ITGA11: variants seen among roughly 807,000 people sequenced by gnomAD.
The protein encoded by ITGA11 is integrin subunit alpha 11.
In ITGA11, 97 loss-of-function variants were observed where a neutral mutation model predicts 141.9. The observed-to-expected ratio is 0.68, with a 90% CI of 0.58 to 0.81. The LOEUF (loss-of-function observed/expected upper bound fraction) is 0.81, where lower values mean the gene tolerates loss of function less well. ITGA11 is among the 30% of genes least tolerant of loss of function. ITGA11 has a pLI of 0.00. For synonymous variants in ITGA11, 658 were observed against 624.6 expected (o/e 1.05, Z -0.80); for missense variants, 1,387 against 1,559.2 (o/e 0.89, Z 1.86).
chr15:68,415,080 C>T, intron 1 of ITGA11, among the ~76,000 whole-genome samples: 1 of 152,214 alleles, frequency 6.6e-6, no homozygotes. Context: ...CATCTTACTT[C>T]TCTGCCAAAT....
intron 6 of ITGA11, among the ~76,000 whole-genome samples, 197 bp downstream of exon 6, chr15:68,358,244 GAAGTGAGGCTTCCCCCA>G (rs1377765025): frequency 6.6e-6 from 1 of 152,200 alleles, no homozygotes. Flanking sequence ...TCTGACCCGT[GAAGTGAGGCTTCCCCCA>G]AAATGTCATT....
In ITGA11 at chr15:68,304,638, C is replaced by T. The variant is rs1196715557; in HGVS notation, c.3382-753G>A. ...TGGATTCTCCGCTGAATTCCAGGCTCACACCGACTGTCTCCTGGCCTGCCT... is the reference window on the plus strand; with the variant it reads ...TGGATTCTCCGCTGAATTCCAGGCTTACACCGACTGTCTCCTGGCCTGCCT... On this transcript the variant is annotated intron_variant, in intron 28 of 29. Coordinates refer to ENST00000315757, the MANE Select transcript of ITGA11 (RefSeq NM_001004439.2). The surrounding 1 kb of genome is among the most constrained non-coding windows in gnomAD (Gnocchi z 6.1). 6.6e-6 allele frequency among the ~76,000 whole-genome samples: 1 copy of T among 152,150 alleles called. No individual in the cohort carries two copies. The highest frequency in any genetic ancestry group is 2.4e-5 in the African/African-American group (1 of 41,422).
intron 14 of ITGA11, 134 bp downstream of exon 14, chr15:68,331,725 A>G (rs1445305255): frequency 2.5e-6 from 2 of 786,422 alleles, no homozygotes; most frequent in African/African-American, 1.7e-5. Context: ...AAGCATGGCC[A>G]GGACAGATTG....
intron 1 of ITGA11, among the ~76,000 whole-genome samples, chr15:68,407,829 T>C (rs1896683931): frequency 6.6e-6 from 1 of 152,192 alleles, no homozygotes; most frequent in Non-Finnish European, 1.5e-5. Flanking sequence ...TCAAAGCCAC[T>C]CCACTCCCTA....
At chr15:68,311,811 G>A (rs929847321) in intron 24 of ITGA11, among the ~76,000 whole-genome samples, 4 of 152,160 alleles carry the variant, frequency 2.6e-5, no homozygotes, top group Non-Finnish European at 4.4e-5. Context: ...AATTAAACTC[G>A]CTATTTATTA....
At position 68,328,381 on chromosome 15, in the gene ITGA11, A is replaced by T; in HGVS notation, c.1902-119T>A. On this transcript the variant is annotated intron_variant, in intron 15 of 29. Coordinates refer to ENST00000315757, the MANE Select transcript of ITGA11 (RefSeq NM_001004439.2). The surrounding 1 kb of genome is among the most constrained non-coding windows in gnomAD (Gnocchi z 4.8). ...ATCTGCAAAGCCACTGGAGGGGGTGAGGTGGAGGATGGAGGGGGCGAGGTG... is the reference window on the plus strand; with the variant it reads ...ATCTGCAAAGCCACTGGAGGGGGTGTGGTGGAGGATGGAGGGGGCGAGGTG... 4 of 425,552 alleles carry T rather than the reference A, an allele frequency of 9.4e-6. No individual in the cohort carries two copies. The highest frequency in any genetic ancestry group is 7.0e-5 in the East Asian group (1 of 14,224). The allele number at this position is 425,552 out of a possible 1,614,324, so 26.4% of individuals were successfully genotyped here.
chr15:68,356,542 G>A (rs1895075058), intron 7 of ITGA11, among the ~76,000 whole-genome samples: 1 of 152,194 alleles, frequency 6.6e-6, no homozygotes, highest in Non-Finnish European at 1.5e-5. Context: ...ACTTCTTATA[G>A]AGTGTCTGTG....
intron 11 of ITGA11, among the ~76,000 whole-genome samples, chr15:68,338,835 G>C (rs1894458390): frequency 6.6e-6 from 1 of 152,244 alleles, no homozygotes; most frequent in African/African-American, 2.4e-5. Flanking sequence ...GAAAGACCCA[G>C]AGACAGTGGG....
At chr15:68,357,007 C>A (rs1443698164) in intron 7 of ITGA11, 144 bp downstream of exon 7, 5 of 754,284 alleles carry the variant, frequency 6.6e-6, no homozygotes, top group Non-Finnish European at 4.2e-6. Context: ...ACCAGCTGAG[C>A]CCAGTCAAAC....
intron 19 of ITGA11, among the ~76,000 whole-genome samples, chr15:68,320,907 AAATT>A (rs2140287955): frequency 6.6e-6 from 1 of 152,352 alleles, no homozygotes; most frequent in Admixed American, 6.5e-5. Flanking sequence ...TATGTTACAT[AAATT>A]AAGAATATGA....
chr15:68,398,762 C>A (rs1216217572), intron 2 of ITGA11, among the ~76,000 whole-genome samples: 1 of 145,610 alleles, frequency 6.9e-6, no homozygotes, highest in Non-Finnish European at 1.5e-5. Flanking sequence ...TAACTATATT[C>A]ATAGTATAAA....
At chr15:68,410,211 C>T (rs893723066) in intron 1 of ITGA11, among the ~76,000 whole-genome samples, 9 of 152,324 alleles carry the variant, frequency 5.9e-5, no homozygotes, top group Admixed American at 2.6e-4. Flanking sequence ...GGAACCTAAG[C>T]GTGAACACCT....
Position 68,303,103 on chromosome 15 carries a change from T to G in ITGA11, c.3523A>C (p.Arg1175=). The stretch of plus-strand genomic sequence containing the variant: ...GTGGGGTCCAGACCAGGCTCCCTCC[T>G]GCGCCTGGCACTTCTAAAGAAGCCG... ...KLGFFRSARR[R]REPGLDPTPK... is the part of the protein sequence containing the mutation. The change falls in exon 30 of 30, where the codon AGG becomes CGG. Residue 1175 remains arginine, a synonymous_variant. Transcript: ENST00000315757. The surrounding 1 kb of genome is among the most constrained non-coding windows in gnomAD (Gnocchi z 5.3). 6.4e-7 allele frequency: 1 copy of G among 1,551,072 alleles called. No homozygotes were observed. The highest frequency in any genetic ancestry group is 2.4e-5 in the East Asian group (1 of 40,994).
At chr15:68,416,013 T>A (rs183863492) in intron 1 of ITGA11, among the ~76,000 whole-genome samples, 1 of 152,306 alleles carries the variant, frequency 6.6e-6, no homozygotes, top group Admixed American at 6.5e-5. Context: ...TGGCACATCC[T>A]CATCACACAC....
In ITGA11 at chr15:68,313,126, G is replaced by A. The variant is rs372176895; in HGVS notation, c.2883-263C>T. On this transcript the variant is annotated intron_variant, in intron 23 of 29. Coordinates refer to ENST00000315757, the MANE Select transcript of ITGA11 (RefSeq NM_001004439.2). ...CCAGTTATCTCATCCCTGCCCCAGC[G>A]TCTCTGCCTAGGAGTGTAGCTACTT... 9.9e-5 allele frequency among the ~76,000 whole-genome samples: 15 copies of A among 152,284 alleles called. No individual in the cohort carries two copies. The East Asian group carries it at 1.9e-3, about 20-fold the overall frequency.
intron 5 of ITGA11, among the ~76,000 whole-genome samples, chr15:68,358,956 C>T (rs1895157544): frequency 6.6e-6 from 1 of 152,200 alleles, no homozygotes; most frequent in Admixed American, 6.5e-5. Context: ...CCACTTTCAG[C>T]CCAAATGAAT....
In ITGA11 at chr15:68,305,239, C is replaced by T. The variant is rs755690495; in HGVS notation, c.3382-1354G>A. On this transcript the variant is annotated intron_variant, in intron 28 of 29. Transcript: ENST00000315757. This position sits in a 1 kb window ranked among gnomAD's most constrained non-coding sequence, Gnocchi z 4.6. ...TGCAAGGGTTTCCCTCACGCAGCCA[C>T]GAGACACTCCTGTCTTCCTCATGGT... Among the ~76,000 whole-genome samples, 2 of 152,202 alleles carry T rather than the reference C, an allele frequency of 1.3e-5. No individual in the cohort carries two copies. The highest frequency in any genetic ancestry group is 6.5e-5 in the Admixed American group (1 of 15,286).
intron 4 of ITGA11, 120 bp from the exon 5 acceptor site, chr15:68,361,824 AG>A (rs1407052856): frequency 4.6e-6 from 3 of 655,910 alleles, no homozygotes; most frequent in Admixed American, 2.6e-5. Flanking sequence ...CTGAGGGGTG[AG>A]GGGGTGAGGG....
chr15:68,296,862 CTT>C lies in ITGA11; in HGVS notation c.*6195_*6196del, dbSNP rs1892920626. On this transcript the variant is annotated 3_prime_UTR_variant, in exon 30 of 30. Coordinates refer to ENST00000315757, the MANE Select transcript of ITGA11 (RefSeq NM_001004439.2). ...CCCCATGATCTATTTGAAAAAGACACTTTTATGGCTTCCCTTCCCTTCTTTCT... is the reference window on the plus strand; with the variant it reads ...CCCCATGATCTATTTGAAAAAGACACTTATGGCTTCCCTTCCCTTCTTTCT... 6.6e-6 allele frequency: 1 copy of C among 150,790 alleles called. No individual in the cohort carries two copies. 9.3% of individuals were successfully genotyped at this position (150,790 alleles called of 1,614,324 possible). A position where few individuals can be genotyped will look rare whatever the true frequency, so the allele number is the denominator to read the frequency against.
Sources: gnomAD v4.1 joint callset for allele counts (sites outside exome capture counted in the v4.1 genomes callset) on GRCh38, gnomAD v4.1.1 for gene constraint, Gnocchi (gnomAD v3.1) non-coding constraint, MANE v1.5 for transcripts, NCBI Gene and HGNC (gene_info 2026-07-23, HGNC 2026-07-21) for gene names.